SRGAP2B: variants seen among roughly 807,000 people sequenced by gnomAD.
The protein encoded by SRGAP2B is SLIT-ROBO Rho GTPase-activating protein 2B.
Under a neutral mutation model 22.2 loss-of-function variants are expected in SRGAP2B, and 9 were observed. The observed-to-expected ratio is 0.41, with a 90% confidence interval of 0.24 to 0.71. The LOEUF (loss-of-function observed/expected upper bound fraction) is 0.71, where lower values mean the gene tolerates loss of function less well. Ranked by LOEUF, SRGAP2B falls within the 30% of genes least tolerant of loss-of-function variation. The probability of loss-of-function intolerance (pLI) is 0.35; values close to 1 mark genes in which losing one functional copy is unlikely to be tolerated. For synonymous variants in SRGAP2B, 36 were observed against 87.4 expected (o/e 0.41, Z 3.28); for missense variants, 114 against 235.8 (o/e 0.48, Z 3.38).
intron 5 of SRGAP2B, among the ~76,000 whole-genome samples, chr1:144,907,538 C>T (rs1293969388): frequency 2.7e-5 from 4 of 150,248 alleles, no homozygotes; most frequent in African/African-American, 1.0e-4. Flanking sequence ...AAACTGGTTC[C>T]GTGTATGAAC....
intron 4 of SRGAP2B, among the ~76,000 whole-genome samples, chr1:144,932,227 C>T (rs1408592642): frequency 6.7e-6 from 1 of 149,238 alleles, no homozygotes; most frequent in Non-Finnish European, 1.5e-5. Flanking sequence ...CCCCCCAAAT[C>T]CTGGGGACAA....
intron 3 of SRGAP2B, among the ~76,000 whole-genome samples, chr1:144,976,696 A>T (rs1553614269): frequency 7.0e-6 from 1 of 142,114 alleles, no homozygotes; most frequent in Non-Finnish European, 1.5e-5. Flanking sequence ...AAGACACAGA[A>T]GCCAGCTTGA....
chr1:145,063,561 T>C (rs1235984204), intron 2 of SRGAP2B, among the ~76,000 whole-genome samples: 3 of 149,790 alleles, frequency 2.0e-5, no homozygotes, highest in Admixed American at 6.6e-5. Context: ...CGGCTGAGAT[T>C]TCCTGTAGAA....
exon 6 of SRGAP2B, chr1:144,906,071 T>C: frequency 1.4e-6 from 1 of 710,080 alleles, no homozygotes; most frequent in Non-Finnish European, 2.6e-6. Context: ...TATGTCTTCA[T>C]GACCTGCAAG....
intron 4 of SRGAP2B, among the ~76,000 whole-genome samples, chr1:144,920,801 T>A (rs1553604232): frequency 6.6e-6 from 1 of 150,778 alleles, no homozygotes; most frequent in African/African-American, 2.5e-5. Flanking sequence ...CATACAAAAG[T>A]CTGTACTTGA....
In SRGAP2B at chr1:144,925,114, T is replaced by A. The variant is rs1242061674; in HGVS notation, c.424-10360A>T. Reference sequence around the variant, plus strand: ...GCCTCCTGGGTTCAAGTGATTCCCCTGCCTCAGCCTCCCAAGTAGCTGGGA... The same window carrying A: ...GCCTCCTGGGTTCAAGTGATTCCCCAGCCTCAGCCTCCCAAGTAGCTGGGA... On this transcript the variant is annotated intron_variant, in intron 4 of 9. Transcript: ENST00000612199. 2.0e-5 allele frequency among the ~76,000 whole-genome samples: 3 copies of A among 149,188 alleles called. No homozygotes were observed. In the East Asian group the frequency reaches 5.9e-4, roughly 29 times the overall value.
intron 2 of SRGAP2B, among the ~76,000 whole-genome samples, chr1:145,090,153 T>G (rs1653844447): frequency 2.7e-5 from 4 of 147,822 alleles, no homozygotes. Context: ...CACAAAAAGC[T>G]GACACTCATA....
intron 4 of SRGAP2B, among the ~76,000 whole-genome samples, chr1:144,926,571 G>C (rs1570757959): frequency 1.3e-5 from 2 of 151,214 alleles, no homozygotes; most frequent in East Asian, 1.9e-4. Context: ...AACCCCACAG[G>C]GTTGGCCTGG....
rs6669361 is a variant in SRGAP2B, at chr1:145,016,868, A to T, written c.68-21668T>A. Among the ~76,000 whole-genome samples, 49 of 146,422 alleles carry T rather than the reference A, an allele frequency of 3.3e-4. 1 individual carries two copies. The South Asian group carries it at 5.5e-3, about 16-fold the overall frequency. On this transcript the variant is annotated intron_variant, in intron 2 of 9. Transcript: ENST00000612199. ...TTTTTTTTTTTTTGTTTTTTTTTTG[A>T]GACGGAGTCTCACTCTGTCGCCCAG...
At chr1:145,068,229 A>C (rs1416276031) in intron 2 of SRGAP2B, among the ~76,000 whole-genome samples, 5 of 143,452 alleles carry the variant, frequency 3.5e-5, no homozygotes, top group African/African-American at 8.0e-5. Flanking sequence ...AAAAAAAAAC[A>C]AATACAGCTC....
chr1:145,076,114 C>T (rs1652478769), intron 2 of SRGAP2B, among the ~76,000 whole-genome samples: 1 of 150,356 alleles, frequency 6.7e-6, no homozygotes, highest in Non-Finnish European at 1.5e-5. Context: ...GAGAAATATA[C>T]ATGTATCTTC....
At chr1:144,911,982 G>A (rs1302595475) in intron 5 of SRGAP2B, among the ~76,000 whole-genome samples, 1 of 124,142 alleles carries the variant, frequency 8.1e-6, no homozygotes, top group Non-Finnish European at 1.6e-5. Flanking sequence ...ACAGAGTCTC[G>A]CTCTGTTGCC....
chr1:145,039,289 A>T (rs1177290903), intron 2 of SRGAP2B, among the ~76,000 whole-genome samples: 1 of 39,986 alleles, frequency 2.5e-5, no homozygotes, highest in African/African-American at 8.9e-5. Flanking sequence ...CAGCCTGGGG[A>T]ACATAGGGAG....
At chr1:145,024,460 GTTTGTT>G (rs1330212058) in intron 2 of SRGAP2B, among the ~76,000 whole-genome samples, 6 of 148,708 alleles carry the variant, frequency 4.0e-5, no homozygotes, top group African/African-American at 1.0e-4. Flanking sequence ...GCCCATAGTA[GTTTGTT>G]TTTGTTTTTG....
intron 3 of SRGAP2B, among the ~76,000 whole-genome samples, chr1:144,956,735 A>G (rs1427219954): frequency 6.6e-6 from 1 of 150,404 alleles, no homozygotes; most frequent in African/African-American, 2.5e-5. Context: ...GGAGTGAGCC[A>G]CCGCGCCCGG....
At chr1:144,922,742 G>C (rs2101784891) in intron 4 of SRGAP2B, among the ~76,000 whole-genome samples, 1 of 150,552 alleles carries the variant, frequency 6.6e-6, no homozygotes, top group African/African-American at 2.5e-5. Context: ...CAAAGGAAGG[G>C]GCTCCCCACT....
At chr1:145,088,958 A>C (rs1653705592) in intron 2 of SRGAP2B, among the ~76,000 whole-genome samples, 1 of 147,536 alleles carries the variant, frequency 6.8e-6, no homozygotes, top group East Asian at 1.9e-4. Flanking sequence ...ACAATTTAAA[A>C]TAATACAAAT....
intron 2 of SRGAP2B, among the ~76,000 whole-genome samples, chr1:145,058,057 G>A (rs1290532738): frequency 6.8e-6 from 1 of 147,884 alleles, no homozygotes; most frequent in East Asian, 2.0e-4. Flanking sequence ...ATGGCAAAGT[G>A]CAAAGGTCAG....
chr1:144,971,274 G>A (rs587680895), intron 3 of SRGAP2B, among the ~76,000 whole-genome samples: 1 of 148,612 alleles, frequency 6.7e-6, no homozygotes, highest in Non-Finnish European at 1.5e-5. Flanking sequence ...GGGATTACAG[G>A]CATGTGCCAC....
Sources: gnomAD v4.1 joint callset for allele counts (sites outside exome capture counted in the v4.1 genomes callset) on GRCh38, gnomAD v4.1.1 for gene constraint, MANE v1.5 for transcripts, NCBI Gene and HGNC (gene_info 2026-07-23, HGNC 2026-07-21) for gene names.